Variants in ASRGL1 observed in about 807,000 individuals in gnomAD.
ASRGL1 encodes asparaginase and isoaspartyl peptidase 1.
ASRGL1 carries 16 observed loss-of-function variants against 22.4 expected under a neutral mutation model. That is an observed-to-expected ratio of 0.71 (90% CI 0.48 to 1.08). ASRGL1 has a LOEUF of 1.08. Ranked by LOEUF, ASRGL1 falls within the 50% of genes least tolerant of loss-of-function variation. The pLI is 0.00. For missense variants in ASRGL1, 412 were observed against 410.1 expected (o/e 1.00, Z -0.04); for synonymous variants, 165 against 159.3 (o/e 1.04, Z -0.27).
At chr11:62,366,679 T>TA (rs1396941588) in intron 4 of ASRGL1, among the ~76,000 whole-genome samples, 1 of 152,184 alleles carries the variant, frequency 6.6e-6, no homozygotes, top group Non-Finnish European at 1.5e-5. Context: ...TTTACTTTTT[T>TA]AACATTCTTT....
chr11:62,380,782 G>A (rs1824814791), intron 4 of ASRGL1, among the ~76,000 whole-genome samples: 2 of 152,040 alleles, frequency 1.3e-5, no homozygotes, highest in Non-Finnish European at 2.9e-5. Context: ...TATAGAAAAG[G>A]ACTCATATCT....
At position 62,392,009 on chromosome 11, in the gene ASRGL1, T is replaced by C. The variant is rs17157218; in HGVS notation, c.722-70T>C. Reference sequence around the variant, plus strand: ...TGCTAGCTCACTTTGGCATTTCAAATGGCAAGTGATTTTCCCATGAGATTC... The same window carrying C: ...TGCTAGCTCACTTTGGCATTTCAAACGGCAAGTGATTTTCCCATGAGATTC... On this transcript the variant is annotated intron_variant, in intron 6 of 6. Coordinates refer to ENST00000415229, the MANE Select transcript of ASRGL1 (RefSeq NM_001083926.2). 19 of 1,549,030 alleles carry C rather than the reference T, an allele frequency of 1.2e-5. No individual in the cohort carries two copies. In the East Asian group the frequency reaches 4.3e-4, roughly 35 times the overall value.
intron 4 of ASRGL1, among the ~76,000 whole-genome samples, chr11:62,386,035 G>A (rs548743916): frequency 1.4e-3 from 215 of 152,022 alleles, no homozygotes; most frequent in African/African-American, 5.1e-3. Flanking sequence ...GGTGACACAC[G>A]CCTGTAGTCC....
intron 4 of ASRGL1, chr11:62,372,769 A>G (rs1219449841): frequency 6.4e-7 from 1 of 1,561,862 alleles, no homozygotes. Context: ...GGGGCTTCCC[A>G]GATCTATGCT....
chr11:62,384,190 C>T (rs1029797163), intron 4 of ASRGL1, among the ~76,000 whole-genome samples: 11 of 152,022 alleles, frequency 7.2e-5, no homozygotes, highest in Non-Finnish European at 1.2e-4. Flanking sequence ...GCCTGGGCAA[C>T]AGTGCAAGAC....
At position 62,371,686 on chromosome 11, in the gene ASRGL1, C is replaced by T. The variant is rs541077068; in HGVS notation, c.491+14542C>T. 1,319 of 604,476 alleles carry T rather than the reference C, an allele frequency of 2.2e-3. 14 individuals carry two copies. Among genetic ancestry groups the T allele is most frequent in the Non-Finnish European group, 3.3e-3 (1,035 of 309,052 alleles). 37.4% of individuals were successfully genotyped at this position (604,476 alleles called of 1,614,324 possible). ...GCCTAAACAAGGCCAGGAGTGGTGG[C>T]TCAGGCTTGTAATCCCAGCACTTTG... On this transcript the variant is annotated intron_variant, in intron 4 of 6. Coordinates refer to ENST00000415229, the MANE Select transcript of ASRGL1 (RefSeq NM_001083926.2).
intron 4 of ASRGL1, among the ~76,000 whole-genome samples, chr11:62,358,241 G>A (rs1160488031): frequency 2.6e-5 from 4 of 152,016 alleles, no homozygotes; most frequent in Non-Finnish European, 5.9e-5. Flanking sequence ...ATGATGGTGC[G>A]TGCCTGTAAT....
chr11:62,346,300 G>A (rs1354312384), intron 2 of ASRGL1, among the ~76,000 whole-genome samples: 3 of 152,082 alleles, frequency 2.0e-5, no homozygotes, highest in African/African-American at 7.2e-5. Context: ...GATACAGACA[G>A]GGAGATGAAG....
chr11:62,356,514 T>C (rs377421389), intron 3 of ASRGL1, 47 bp downstream of exon 3: 155 of 1,596,130 alleles, frequency 9.7e-5, no homozygotes, highest in Middle Eastern at 1.7e-4. Context: ...GTTATTGTTA[T>C]ACTGCAGTGA....
At chr11:62,384,035 CGTGTGTGTGT>C (rs141968496) in intron 4 of ASRGL1, among the ~76,000 whole-genome samples, 1 of 150,188 alleles carries the variant, frequency 6.7e-6, no homozygotes, top group Non-Finnish European at 1.5e-5. Flanking sequence ...CACGTGTGTG[CGTGTGTGTGT>C]GTGTGTGTTT....
intron 6 of ASRGL1, 93 bp downstream of exon 6, chr11:62,391,725 C>A: frequency 7.0e-7 from 1 of 1,430,594 alleles, no homozygotes; most frequent in Non-Finnish European, 9.3e-7. Flanking sequence ...GTAGGAAACC[C>A]TTTCCTGTTG....
chr11:62,349,720 A>G (rs1331946470), intron 2 of ASRGL1, among the ~76,000 whole-genome samples: 2 of 152,244 alleles, frequency 1.3e-5, no homozygotes, highest in Non-Finnish European at 2.9e-5. Context: ...TCCGTAGAGT[A>G]AAATGAAAGC....
At chr11:62,344,919 G>A (rs746045729) in intron 2 of ASRGL1, among the ~76,000 whole-genome samples, 16 of 151,942 alleles carry the variant, frequency 1.1e-4, no homozygotes, top group Non-Finnish European at 2.2e-4. Flanking sequence ...CTATCTTCAT[G>A]AGTTCAATTG....
At position 62,337,949 on chromosome 11, in the gene ASRGL1, C is replaced by T; in HGVS notation, c.-29C>T. The T allele has an allele frequency of 6.4e-7, 1 of 1,568,266 alleles. No homozygotes were observed. The highest frequency in any genetic ancestry group is 8.6e-7 in the Non-Finnish European group (1 of 1,157,352). On this transcript the variant is annotated 5_prime_UTR_variant, in exon 2 of 7. Transcript: ENST00000415229. ...TTGGGCTGGCTTTGGACGACGCTTT[C>T]GCCTTCCTGCTGCCTAGGATCCGCC...
At chr11:62,346,417 C>T (rs1011538699) in intron 2 of ASRGL1, among the ~76,000 whole-genome samples, 1 of 152,144 alleles carries the variant, frequency 6.6e-6, no homozygotes, top group Non-Finnish European at 1.5e-5. Flanking sequence ...AAAGCTCTCC[C>T]ATCATCAGCC....
intron 2 of ASRGL1, among the ~76,000 whole-genome samples, chr11:62,352,344 G>C (rs1247388629): frequency 6.6e-6 from 1 of 152,178 alleles, no homozygotes; most frequent in African/African-American, 2.4e-5. Context: ...CCAACACTTT[G>C]GGAGGCCGAG....
intron 4 of ASRGL1, among the ~76,000 whole-genome samples, chr11:62,385,424 T>A (rs1013641701): frequency 9.9e-5 from 15 of 152,200 alleles, no homozygotes; most frequent in Non-Finnish European, 1.9e-4. Context: ...CTCCTACCTC[T>A]TCCTCTTGAG....
intron 4 of ASRGL1, among the ~76,000 whole-genome samples, chr11:62,362,633 A>ATATAT (rs1946488957): frequency 1.6e-5 from 1 of 63,854 alleles, no homozygotes; most frequent in Non-Finnish European, 2.8e-5. Context: ...TATATAAAAT[A>ATATAT]TATATAATAT....
chr11:62,368,926 C>A (rs1946688007), intron 4 of ASRGL1, among the ~76,000 whole-genome samples: 1 of 152,072 alleles, frequency 6.6e-6, no homozygotes, highest in African/African-American at 2.4e-5. Context: ...GGGTTTTACA[C>A]CCGAGACATT....
Sources: allele counts gnomAD v4.1 joint callset (sites outside exome capture counted in the v4.1 genomes callset), GRCh38; gene constraint gnomAD v4.1.1; transcripts MANE v1.5; gene names NCBI Gene and HGNC (gene_info 2026-07-23, HGNC 2026-07-21).